SHROOM4: variants seen among roughly 807,000 people sequenced by gnomAD.
The protein encoded by SHROOM4 is shroom family member 4.
A neutral mutation model predicts 80.3 loss-of-function variants in SHROOM4; 17 were observed. The ratio of observed to expected loss-of-function variants is 0.21; its 90% CI spans 0.14 to 0.32. The LOEUF (loss-of-function observed/expected upper bound fraction) is 0.32, where lower values mean the gene tolerates loss of function less well. SHROOM4 is among the 10% of genes least tolerant of loss of function. The probability of loss-of-function intolerance (pLI) is 1.00; values close to 1 mark genes in which losing one functional copy is unlikely to be tolerated. For synonymous variants in SHROOM4, 400 were observed against 437.5 expected (o/e 0.91, Z 1.07); for missense variants, 993 against 1,140.3 (o/e 0.87, Z 1.86).
chrX:50,768,501 G>C (rs1239608081), intron 1 of SHROOM4, among the ~76,000 whole-genome samples: 1 of 111,903 alleles, frequency 8.9e-6, no homozygotes. Context: ...AGGGCGTTAA[G>C]TCTGCTTGTA....
intron 5 of SHROOM4, among the ~76,000 whole-genome samples, chrX:50,619,535 C>G (rs113133933): frequency 0.042 from 4,713 of 111,639 alleles, 224 homozygotes; most frequent in African/African-American, 0.14. Context: ...GAACAATTAG[C>G]TTGGCAACAA....
At chrX:50,698,455 G>A (rs1321770666) in intron 1 of SHROOM4, among the ~76,000 whole-genome samples, 2 of 111,368 alleles carry the variant, frequency 1.8e-5, no homozygotes, top group African/African-American at 6.5e-5. Flanking sequence ...GCAAATTTTG[G>A]GTCCCCAGCA....
At chrX:50,617,443 G>T (rs1930290937) in intron 5 of SHROOM4, among the ~76,000 whole-genome samples, 1 of 111,438 alleles carries the variant, frequency 9.0e-6, no homozygotes, top group Admixed American at 9.5e-5. Flanking sequence ...TGACTAGCCA[G>T]GAGGCCCTAG....
intron 1 of SHROOM4, among the ~76,000 whole-genome samples, chrX:50,763,255 C>G (rs1290668476): frequency 1.8e-5 from 2 of 111,344 alleles, no homozygotes; most frequent in African/African-American, 6.5e-5. Context: ...TATAATTTCT[C>G]TCTTTATTAT....
chrX:50,597,284 C>T (rs782421616), intron 8 of SHROOM4, among the ~76,000 whole-genome samples: 46 of 112,232 alleles, frequency 4.1e-4, no homozygotes, highest in Middle Eastern at 9.3e-3. Flanking sequence ...GCCTGTGTCC[C>T]TTTCACCTGG....
chrX:50,789,817 A>T (rs1935819391), intron 1 of SHROOM4, among the ~76,000 whole-genome samples: 1 of 112,417 alleles, frequency 8.9e-6, no homozygotes, highest in African/African-American at 3.2e-5. Context: ...ATTACAACTG[A>T]TACCACAATT....
At position 50,598,256 on chromosome X, in the gene SHROOM4, C is replaced by G; in HGVS notation, c.4212+10G>C. 8.3e-7 allele frequency: 1 copy of G among 1,211,520 alleles called. No homozygotes were observed. Among genetic ancestry groups the G allele is most frequent in the Non-Finnish European group, 1.1e-6 (1 of 895,468 alleles). On this transcript the variant is annotated intron_variant, in intron 8 of 8. Transcript: ENST00000376020. ...TCCCTCTACCCACACCCCACAGACC[C>G]CAACTCTACCTTCTCCTGGTTGGCC...
Position 50,638,258 on chromosome X carries a change from A to G in SHROOM4, c.320T>C (p.Leu107Pro), listed in dbSNP as rs370831168. 1 of 1,211,753 alleles carries G rather than the reference A, an allele frequency of 8.3e-7. No individual in the cohort carries two copies. Among genetic ancestry groups the G allele is most frequent in the Non-Finnish European group, 1.1e-6 (1 of 895,407 alleles). Residue 107 changes from leucine (L) to proline (P), a missense_variant, in exon 3 of 9, where the codon CTG becomes CCG. Coordinates refer to ENST00000376020, the MANE Select transcript of SHROOM4 (RefSeq NM_020717.5). The part of the protein sequence containing the change: ...RPHSWHVAKL[L>P]EGCPEAATTM... Reference sequence around the variant, plus strand: ...GGTGGCTGCTTCAGGGCATCCCTCCAGCAGCTTGGCCACATGCCATGAGTG... The same window carrying G: ...GGTGGCTGCTTCAGGGCATCCCTCCGGCAGCTTGGCCACATGCCATGAGTG...
chrX:50,679,746 C>T lies in SHROOM4; in HGVS notation c.269+16040G>A, dbSNP rs188157789. Among the ~76,000 whole-genome samples the T allele has an allele frequency of 1.2e-4, 13 of 111,876 alleles. No homozygotes were observed. In the East Asian group the frequency reaches 3.4e-3, roughly 29 times the overall value. On this transcript the variant is annotated intron_variant, in intron 2 of 8. Transcript: ENST00000376020. ...CTATTTTGAAATATACAATAAGTTA[C>T]TGATAACTATAGTCACCCTACTGTG...
At chrX:50,675,846 T>C (rs1932848265) in intron 2 of SHROOM4, among the ~76,000 whole-genome samples, 1 of 111,555 alleles carries the variant, frequency 9.0e-6, no homozygotes, top group Non-Finnish European at 1.9e-5. Flanking sequence ...TTCCCCTCAA[T>C]GCATTAACAT....
intron 4 of SHROOM4, among the ~76,000 whole-genome samples, chrX:50,630,568 CT>C (rs1253222432): frequency 9.0e-6 from 1 of 111,012 alleles, no homozygotes; most frequent in Non-Finnish European, 1.9e-5. Flanking sequence ...TTCCTCTCCT[CT>C]TTTTTTCAAC....
intron 2 of SHROOM4, among the ~76,000 whole-genome samples, chrX:50,687,714 A>T (rs1933111940): frequency 9.0e-6 from 1 of 111,439 alleles, no homozygotes; most frequent in Non-Finnish European, 1.9e-5. Flanking sequence ...CCAGGTTCAT[A>T]TAATAAAAAC....
chrX:50,637,975 C>T (rs983622121), intron 3 of SHROOM4, among the ~76,000 whole-genome samples, 199 bp downstream of exon 3: 1 of 111,941 alleles, frequency 8.9e-6, no homozygotes, highest in Non-Finnish European at 1.9e-5. Flanking sequence ...GAAACATCAT[C>T]CAGAAGGAAA....
intron 1 of SHROOM4, among the ~76,000 whole-genome samples, chrX:50,790,011 T>A (rs1935823125): frequency 8.9e-6 from 1 of 112,282 alleles, no homozygotes; most frequent in South Asian, 3.7e-4. Flanking sequence ...CTTACTGTAT[T>A]GAATATTTTA....
chrX:50,708,945 C>CA (rs1933744333), intron 1 of SHROOM4, among the ~76,000 whole-genome samples: 1 of 110,980 alleles, frequency 9.0e-6, no homozygotes, highest in Admixed American at 9.6e-5. Context: ...TCCTGCCAGG[C>CA]AAAATAGGTA....
In SHROOM4 at chrX:50,638,154, G is replaced by T; in HGVS notation, c.404+20C>A. On this transcript the variant is annotated intron_variant, in intron 3 of 8. Transcript: ENST00000376020. Reference sequence around the variant, plus strand: ...GTGTCTACCCTCCAGCCTGTCTTGAGGGGAGGGCTCTAGACTCACCTTGTG... The same window carrying T: ...GTGTCTACCCTCCAGCCTGTCTTGATGGGAGGGCTCTAGACTCACCTTGTG... The T allele has an allele frequency of 1.7e-6, 2 of 1,200,577 alleles. No homozygotes were observed. Among genetic ancestry groups the T allele is most frequent in the Non-Finnish European group, 2.2e-6 (2 of 889,631 alleles).
In SHROOM4 at chrX:50,591,634, C is replaced by CT. The variant is rs1928878200; in HGVS notation, c.*5060dup. 3.4e-6 allele frequency: 1 copy of CT among 296,574 alleles called. No individual in the cohort carries two copies. Among genetic ancestry groups the CT allele is most frequent in the Non-Finnish European group, 6.2e-6 (1 of 160,791 alleles). The allele number at this position is 296,574 out of a possible 1,213,427, so 24.4% of individuals were successfully genotyped here. ...TCTTTTGTTAAATTATTCCTAAGTA[C>CT]TTTTTTCTTTTTGATGCTATTGTAA... On this transcript the variant is annotated 3_prime_UTR_variant, in exon 9 of 9. Transcript: ENST00000376020.
At chrX:50,770,718 T>A in intron 1 of SHROOM4, among the ~76,000 whole-genome samples, 1 of 111,976 alleles carries the variant, frequency 8.9e-6, no homozygotes, top group Non-Finnish European at 1.9e-5. Flanking sequence ...CTTTGTAAGG[T>A]GGAGCCTGGC....
At chrX:50,690,675 A>G (rs1933196123) in intron 2 of SHROOM4, among the ~76,000 whole-genome samples, 1 of 112,789 alleles carries the variant, frequency 8.9e-6, no homozygotes, top group African/African-American at 3.2e-5. Context: ...TCTACTCTTA[A>G]GCGTGTGTAG....
Sources: allele counts gnomAD v4.1 joint callset (sites outside exome capture counted in the v4.1 genomes callset), GRCh38; gene constraint gnomAD v4.1.1; transcripts MANE v1.5; gene names NCBI Gene and HGNC (gene_info 2026-07-23, HGNC 2026-07-21).